The following DPP6 variants were observed in gnomAD, a reference collection of about 807,000 sequenced individuals.
The protein encoded by DPP6 is dipeptidyl peptidase like 6.
DPP6 carries 69 observed loss-of-function variants against 122.6 expected under a neutral mutation model. That is an observed-to-expected ratio of 0.56 (90% confidence interval 0.46 to 0.69). The LOEUF (loss-of-function observed/expected upper bound fraction) is 0.69, where lower values mean the gene tolerates loss of function less well. Ranked by LOEUF, DPP6 falls within the 30% of genes least tolerant of loss-of-function variation. DPP6 has a pLI of 0.00. For missense variants in DPP6, 928 were observed against 1,116.9 expected (o/e 0.83, Z 2.41); for synonymous variants, 418 against 433.1 (o/e 0.97, Z 0.43).
At chr7:154,226,497 G>A (rs771777809) in intron 1 of DPP6, among the ~76,000 whole-genome samples, 1 of 152,130 alleles carries the variant, frequency 6.6e-6, no homozygotes, top group African/African-American at 2.4e-5. Flanking sequence ...CAAGACACAG[G>A]GATTCTTCGG....
At chr7:153,895,589 A>G (rs1220315748) in intron 1 of DPP6, among the ~76,000 whole-genome samples, 1 of 150,404 alleles carries the variant, frequency 6.6e-6, no homozygotes, top group African/African-American at 2.5e-5. Flanking sequence ...GCCACTGTAT[A>G]CGGGGAAAAC....
intron 1 of DPP6, among the ~76,000 whole-genome samples, chr7:154,173,865 G>T (rs1360065007): frequency 6.6e-6 from 1 of 152,108 alleles, no homozygotes; most frequent in African/African-American, 2.4e-5. Flanking sequence ...ACTGTGGCTG[G>T]GCTGCCTCTG....
At chr7:154,673,153 C>T (rs1838674280) in intron 7 of DPP6, among the ~76,000 whole-genome samples, 1 of 152,174 alleles carries the variant, frequency 6.6e-6, no homozygotes, top group South Asian at 2.1e-4. Context: ...AAGCAACACA[C>T]CCCTCATTGC....
intron 16 of DPP6, among the ~76,000 whole-genome samples, chr7:154,848,663 T>C (rs1802132507): frequency 6.6e-6 from 1 of 152,250 alleles, no homozygotes; most frequent in Non-Finnish European, 1.5e-5. Context: ...AAATTTAGGA[T>C]GATGCAATCC....
chr7:154,790,708 C>T (rs1041404502), intron 10 of DPP6, among the ~76,000 whole-genome samples: 5 of 151,696 alleles, frequency 3.3e-5, no homozygotes, highest in South Asian at 2.1e-4. Context: ...GGATGAGCCA[C>T]GAGGCAGAGT....
intron 3 of DPP6, among the ~76,000 whole-genome samples, chr7:154,491,098 C>T (rs148606155): frequency 1.2e-4 from 18 of 152,344 alleles, no homozygotes; most frequent in Non-Finnish European, 2.2e-4. Context: ...TCATCCCAAT[C>T]TCTCATGGGA....
At chr7:154,118,982 C>T (rs894255725) in intron 1 of DPP6, among the ~76,000 whole-genome samples, 6 of 151,592 alleles carry the variant, frequency 4.0e-5, no homozygotes, top group Admixed American at 2.0e-4. Context: ...ACATATACCA[C>T]CTGGCATTTT....
chr7:154,645,934 A>G (rs940044497), intron 6 of DPP6, among the ~76,000 whole-genome samples: 1 of 143,778 alleles, frequency 7.0e-6, no homozygotes, highest in Admixed American at 7.4e-5. Context: ...AGGCTGAGGC[A>G]GGAGAATGGC....
At chr7:154,728,777 T>C (rs1842193590) in intron 8 of DPP6, among the ~76,000 whole-genome samples, 1 of 152,226 alleles carries the variant, frequency 6.6e-6, no homozygotes, top group African/African-American at 2.4e-5. Context: ...TACATGGCTG[T>C]CTTCTTATGT....
chr7:154,466,191 A>G (rs973658533), intron 2 of DPP6, among the ~76,000 whole-genome samples: 3 of 150,044 alleles, frequency 2.0e-5, no homozygotes, highest in Non-Finnish European at 4.4e-5. Context: ...AACATCACAC[A>G]CTGGGGCCTG....
intron 16 of DPP6, among the ~76,000 whole-genome samples, chr7:154,830,155 A>T (rs76725299): frequency 0.012 from 1,780 of 152,298 alleles, 12 homozygotes; most frequent in Middle Eastern, 0.024. Context: ...GCCTTTGAAC[A>T]CGTTTTCCTG....
chr7:154,591,403 TGAA>T (rs1486257465), intron 5 of DPP6, among the ~76,000 whole-genome samples: 2 of 152,218 alleles, frequency 1.3e-5, no homozygotes, highest in African/African-American at 4.8e-5. Flanking sequence ...ATGAGGATGA[TGAA>T]GAAGAAAACA....
intron 9 of DPP6, among the ~76,000 whole-genome samples, chr7:154,769,946 C>T (rs776621457): frequency 1.2e-4 from 19 of 152,114 alleles, no homozygotes; most frequent in Non-Finnish European, 2.2e-4. Flanking sequence ...GCCCCTGGTC[C>T]CCTGGGTCTG....
In DPP6 at chr7:154,068,094, G is replaced by C. The variant is rs1339494650; in HGVS notation, c.243+15031G>C. On this transcript the variant is annotated intron_variant, in intron 1 of 25. Transcript: ENST00000377770. ...CGTTTGAAGTTGAATGAAACGAACA[G>C]AATTTGGCAATGGCTTAGTTGGGAA... Among the ~76,000 whole-genome samples the C allele has an allele frequency of 3.3e-5, 5 of 152,090 alleles. 1 individual carries two copies. In the South Asian group the frequency reaches 1.0e-3, roughly 32 times the overall value.
chr7:154,812,410 T>C (rs1799123305), intron 16 of DPP6, among the ~76,000 whole-genome samples: 1 of 152,232 alleles, frequency 6.6e-6, no homozygotes, highest in African/African-American at 2.4e-5. Context: ...TTCTATAGAC[T>C]GTGTGGCTTA....
intron 1 of DPP6, among the ~76,000 whole-genome samples, chr7:153,948,879 A>T (rs1258914650): frequency 1.3e-5 from 2 of 150,886 alleles, no homozygotes; most frequent in Non-Finnish European, 2.9e-5. Context: ...TGAAGAAGTT[A>T]TTCTGATTCA....
rs1237335070 is a variant in DPP6 at position 154,863,019 on chromosome 7, CCCA to C, written c.1715-4974_1715-4972del. Among the ~76,000 whole-genome samples the C allele has an allele frequency of 6.6e-6, 1 of 152,130 alleles. No homozygotes were observed. The highest frequency in any genetic ancestry group is 1.5e-5 in the Non-Finnish European group (1 of 68,034). ...GCTCAAGCAATCCTCCCACCTCAGC[CCCA>C]CAAGTAGCTGGGACTACAGACATGC... On this transcript the variant is annotated intron_variant, in intron 17 of 25. Transcript: ENST00000377770. The surrounding 1 kb of genome is among the most constrained non-coding windows in gnomAD (Gnocchi z 4.1).
chr7:154,729,993 C>T (rs1842258188), intron 8 of DPP6, among the ~76,000 whole-genome samples: 1 of 152,196 alleles, frequency 6.6e-6, no homozygotes, highest in Admixed American at 6.5e-5. Context: ...GGCAGCAGCA[C>T]AAAGGGAAGC....
chr7:154,577,240 C>G (rs1483806699), intron 5 of DPP6, among the ~76,000 whole-genome samples: 3 of 151,852 alleles, frequency 2.0e-5, no homozygotes, highest in Non-Finnish European at 4.4e-5. Flanking sequence ...GGGGAAGGAC[C>G]CCCCTGTCCA....
Sources: allele counts gnomAD v4.1 joint callset (sites outside exome capture counted in the v4.1 genomes callset), GRCh38; gene constraint gnomAD v4.1.1; non-coding constraint Gnocchi (gnomAD v3.1); transcripts MANE v1.5; gene names NCBI Gene and HGNC (gene_info 2026-07-23, HGNC 2026-07-21).